Variants in GLYR1 observed in about 807,000 individuals in gnomAD.
GLYR1 encodes the protein cytokine-like nuclear factor N-PAC.
GLYR1 carries 21 observed loss-of-function variants against 72.7 expected under a neutral mutation model. The observed-to-expected ratio is 0.29, with a 90% CI of 0.20 to 0.42. The LOEUF is 0.42. Ranked by LOEUF, GLYR1 falls within the 10% of genes least tolerant of loss-of-function variation. The pLI is 1.00. For synonymous variants in GLYR1, 392 were observed against 270.2 expected (o/e 1.45, Z -4.42); for missense variants, 594 against 712.1 (o/e 0.83, Z 1.89).
intron 5 of GLYR1, among the ~76,000 whole-genome samples, chr16:4,826,125 G>A (rs1167254259): frequency 4.6e-5 from 7 of 152,052 alleles, no homozygotes; most frequent in African/African-American, 1.7e-4. Flanking sequence ...ATGGCTCACT[G>A]CAGCCTCAAC....
intron 12 of GLYR1, 33 bp downstream of exon 12, chr16:4,813,704 A>G (rs565724308): frequency 1.4e-5 from 21 of 1,537,556 alleles, no homozygotes; most frequent in African/African-American, 2.7e-5. Context: ...GATAGAAAAG[A>G]TGCTGGAGAG....
intron 8 of GLYR1, 38 bp from the exon 9 acceptor site, chr16:4,821,491 C>T (rs758378158): frequency 6.2e-7 from 1 of 1,614,088 alleles, no homozygotes; most frequent in South Asian, 1.1e-5. Context: ...GTCAGTCTGC[C>T]TGCAGTTTAA....
intron 3 of GLYR1, among the ~76,000 whole-genome samples, chr16:4,835,281 A>C (rs1425851032): frequency 1.3e-5 from 2 of 152,266 alleles, no homozygotes; most frequent in East Asian, 3.9e-4. Flanking sequence ...AGTGCCAAGG[A>C]ATCAACCCCA....
chr16:4,806,100 G>A (rs1358674610), intron 15 of GLYR1, among the ~76,000 whole-genome samples: 1 of 152,216 alleles, frequency 6.6e-6, no homozygotes, highest in African/African-American at 2.4e-5. Flanking sequence ...CACACCTGTG[G>A]TGCTTCTGCC....
intron 5 of GLYR1, among the ~76,000 whole-genome samples, chr16:4,824,553 G>A (rs1488493167): frequency 1.3e-5 from 2 of 150,002 alleles, no homozygotes; most frequent in African/African-American, 2.5e-5. Context: ...GAAGGAATCC[G>A]CCATATTTCA....
intron 15 of GLYR1, among the ~76,000 whole-genome samples, chr16:4,808,988 T>C (rs1415779058): frequency 6.6e-6 from 1 of 152,222 alleles, no homozygotes; most frequent in East Asian, 1.9e-4. Flanking sequence ...GTGCACGTGT[T>C]AAGTGCTTAA....
At chr16:4,810,699 TAAAAAAAAAAAAAAAA>T (rs551202037) in intron 15 of GLYR1, among the ~76,000 whole-genome samples, 6 of 21,820 alleles carry the variant, frequency 2.7e-4, no homozygotes, top group Admixed American at 2.7e-3. Context: ...CTGTCTCTAC[TAAAAAAAAAAAAAAAA>T]AAAAAAAAAA....
Position 4,813,253 on chromosome 16 carries a change from G to A in GLYR1, c.1119+484C>T, listed in dbSNP as rs572657295. 8.5e-5 allele frequency among the ~76,000 whole-genome samples: 13 copies of A among 152,180 alleles called. No homozygotes were observed. In the South Asian group the frequency reaches 1.0e-3, roughly 12 times the overall value. On this transcript the variant is annotated intron_variant, in intron 12 of 15. Coordinates refer to ENST00000321919, the MANE Select transcript of GLYR1 (RefSeq NM_032569.4). ...GCTGGGATTACAGGCGTGAGCCACC[G>A]CGCCCGGACTGGAATTTCTTAGAGA... is the stretch of plus-strand genomic sequence containing the variant.
Position 4,813,002 on chromosome 16 carries a change from G to T in GLYR1, c.1119+735C>A, listed in dbSNP as rs376763301. On this transcript the variant is annotated intron_variant, in intron 12 of 15. Coordinates refer to ENST00000321919, the MANE Select transcript of GLYR1 (RefSeq NM_032569.4). ...TTTTGAGACGGAGTCTTGCTCTGTT[G>T]CCCAGGCTGGAGTGCAGTGGCACGA... Among the ~76,000 whole-genome samples, 188 of 144,908 alleles carry T rather than the reference G, an allele frequency of 1.3e-3. 2 individuals are homozygous for T. Among genetic ancestry groups the T allele is most frequent in the African/African-American group, 4.7e-3 (183 of 38,956 alleles).
At position 4,814,620 on chromosome 16, in the gene GLYR1, G is replaced by A. The variant is rs756662561; in HGVS notation, c.934C>T (p.Arg312Cys). The A allele has an allele frequency of 4.3e-5, 70 of 1,613,978 alleles. No homozygotes were observed. The highest frequency in any genetic ancestry group is 5.3e-5 in the Non-Finnish European group (63 of 1,179,968). The change falls in exon 11 of 16, where the codon CGT becomes TGT. Residue 312 changes from arginine to cysteine, a missense_variant. This residue lies in a region of GLYR1 where 266 missense variants were observed against 358.4 expected (regional missense o/e 0.74). Transcript: ENST00000321919. The stretch of plus-strand genomic sequence containing the variant: ...ACTTCAGCGGGGGTTCTTCCCAGAC[G>A]GGCCCCCTCCTGGATGAACAAATCA... ...KCDLFIQEGA[R>C]LGRTPAEVVS...
In GLYR1 at chr16:4,804,681, G is replaced by GAGGGCCCCA. The variant is rs2141924804; in HGVS notation, c.*546_*554dup. ...TTTCTCAGCTCATCACCTGAGGTTG[G>GAGGGCCCCA]AGGGCCCCAAGGGCCCCTCTGTCTG... On this transcript the variant is annotated 3_prime_UTR_variant, in exon 16 of 16. Transcript: ENST00000321919. 6.3e-6 allele frequency: 1 copy of GAGGGCCCCA among 158,914 alleles called. No homozygotes were observed. Among genetic ancestry groups the GAGGGCCCCA allele is most frequent in the African/African-American group, 2.4e-5 (1 of 41,692 alleles). 9.8% of individuals were successfully genotyped at this position (158,914 alleles called of 1,614,324 possible). A position where few individuals can be genotyped will look rare whatever the true frequency, so the allele number is the denominator to read the frequency against.
rs747925448 is a variant in GLYR1, at chr16:4,845,167, G to C, written c.76-14C>G. 4 of 1,607,902 alleles carry C rather than the reference G, an allele frequency of 2.5e-6. No individual in the cohort carries two copies. The highest frequency in any genetic ancestry group is 3.4e-6 in the Non-Finnish European group (4 of 1,174,450). ...TGGATTAACAATCTGGAGGATAAAA[G>C]GGGGGAAAAAGGTTGGCTGGCAACA... On this transcript the variant is annotated splice_polypyrimidine_tract_variant and intron_variant, in intron 2 of 15. Transcript: ENST00000321919.
In GLYR1 at chr16:4,814,420, G is replaced by A. The variant is rs1036072368; in HGVS notation, c.1017+117C>T. ...CACAATGGGAGATGGCCCCTGATGG[G>A]AAATTCAGCCCCCCACATGTGGACA... is the stretch of plus-strand genomic sequence containing the variant. On this transcript the variant is annotated intron_variant, in intron 11 of 15. Transcript: ENST00000321919. 3.9e-6 allele frequency: 3 copies of A among 769,040 alleles called. No homozygotes were observed. In the South Asian group the frequency reaches 4.5e-5, roughly 11 times the overall value. 47.6% of individuals were successfully genotyped at this position (769,040 alleles called of 1,614,324 possible). A position where few individuals can be genotyped will look rare whatever the true frequency, so the allele number is the denominator to read the frequency against.
intron 3 of GLYR1, among the ~76,000 whole-genome samples, chr16:4,837,043 G>T (rs770752506): frequency 6.6e-6 from 1 of 152,130 alleles, no homozygotes; most frequent in Non-Finnish European, 1.5e-5. Flanking sequence ...ATACAGAACC[G>T]CCACTAAGGC....
At chr16:4,812,942 A>G (rs2083410163) in intron 12 of GLYR1, among the ~76,000 whole-genome samples, 1 of 141,238 alleles carries the variant, frequency 7.1e-6, no homozygotes, top group African/African-American at 2.8e-5. Flanking sequence ...GACTACAGGC[A>G]ACCGCCACCA....
intron 2 of GLYR1, among the ~76,000 whole-genome samples, chr16:4,845,947 T>C (rs1481551939): frequency 1.3e-5 from 2 of 152,220 alleles, no homozygotes; most frequent in East Asian, 1.9e-4. Context: ...AGAAACTTCA[T>C]AAACCTCCTC....
At chr16:4,832,316 CTG>C in intron 4 of GLYR1, 95 bp from the exon 5 acceptor site, 4 of 1,432,318 alleles carry the variant, frequency 2.8e-6, no homozygotes, top group Non-Finnish European at 2.9e-6. Context: ...TACAGGCACT[CTG>C]TGTGGTCTCC....
In GLYR1 at chr16:4,819,233, G is replaced by C. The variant is rs146187460; in HGVS notation, c.807-1536C>G. 3.7e-4 allele frequency among the ~76,000 whole-genome samples: 57 copies of C among 152,114 alleles called. No individual in the cohort carries two copies. In the East Asian group the frequency reaches 0.01, roughly 27 times the overall value. The stretch of plus-strand genomic sequence containing the variant: ...TTGCTATGTTGGCTAGGCTGGTCTC[G>C]AACTTTTGGTATCAGGCAATCCTCT... On this transcript the variant is annotated intron_variant, in intron 9 of 15. Transcript: ENST00000321919.
intron 15 of GLYR1, among the ~76,000 whole-genome samples, chr16:4,810,774 A>G (rs1222583092): frequency 2.0e-5 from 3 of 146,464 alleles, no homozygotes; most frequent in African/African-American, 7.7e-5. Flanking sequence ...CGACAGAGCA[A>G]GACTCTGTCT....
Sources: allele counts gnomAD v4.1 joint callset (sites outside exome capture counted in the v4.1 genomes callset), GRCh38; gene constraint gnomAD v4.1.1; regional missense constraint gnomAD v4.1.1; transcripts MANE v1.5; gene names NCBI Gene and HGNC (gene_info 2026-07-23, HGNC 2026-07-21).